Variants in PLXNA1 observed in about 807,000 individuals in gnomAD.
PLXNA1 encodes the protein plexin-A1.
A neutral mutation model predicts 191.7 loss-of-function variants in PLXNA1; 77 were observed. The ratio of observed to expected loss-of-function variants is 0.40; its 90% CI spans 0.33 to 0.49. PLXNA1 has a LOEUF of 0.49. Ranked by LOEUF, PLXNA1 falls within the 20% of genes least tolerant of loss-of-function variation. The pLI, the probability that PLXNA1 is intolerant of heterozygous loss-of-function variation, is 0.63. For missense variants in PLXNA1, 2,110 were observed against 2,660.2 expected (o/e 0.79, Z 4.55); for synonymous variants, 1,137 against 1,156.4 (o/e 0.98, Z 0.34).
chr3:127,033,838 C>G, intron 31 of PLXNA1, 84 bp from the exon 32 acceptor site: 32 of 1,195,478 alleles, frequency 2.7e-5, no homozygotes, highest in Non-Finnish European at 3.7e-5. Context: ...CCTCTGGCAC[C>G]TACTCTGGAG....
chr3:126,989,570 A>G lies in PLXNA1; in HGVS notation c.977A>G (p.His326Arg). The G allele has an allele frequency of 1.2e-6, 2 of 1,613,156 alleles. No individual in the cohort carries two copies. The highest frequency in any genetic ancestry group is 1.7e-6 in the Non-Finnish European group (2 of 1,180,006). Residue 326 changes from histidine (H) to arginine (R), a missense_variant, in exon 2 of 32, where the codon CAC (histidine) becomes CGC (arginine). Physicochemically the swap from His to Arg is conservative, Grantham distance 29. This residue lies in a region of PLXNA1 where 903 missense variants were observed against 1,015.7 expected (regional missense o/e 0.89). Transcript: ENST00000393409. Reference sequence around the variant, plus strand: ...AGCCGGCCCGGCCGTGCCCTGGCCCACCAGCTGGGCCTGGCTGAGGACGAG... The same window carrying G: ...AGCCGGCCCGGCCGTGCCCTGGCCCGCCAGCTGGGCCTGGCTGAGGACGAG... ...YLSRPGRALA[H>R]QLGLAEDEDV...
Position 126,989,584 on chromosome 3 carries a change from G to T in PLXNA1, c.991G>T (p.Ala331Ser), listed in dbSNP as rs1321391936. 6 of 1,613,140 alleles carry T rather than the reference G, an allele frequency of 3.7e-6. No individual in the cohort carries two copies. The highest frequency in any genetic ancestry group is 5.1e-6 in the Non-Finnish European group (6 of 1,180,032). The stretch of plus-strand genomic sequence containing the variant: ...TGCCCTGGCCCACCAGCTGGGCCTG[G>T]CTGAGGACGAGGACGTGCTGTTCAC... ...GRALAHQLGLAEDEDVLFTVF... is the reference protein window; with the variant it reads ...GRALAHQLGLSEDEDVLFTVF... Residue 331 changes from alanine to serine, a missense_variant, in exon 2 of 32, where the codon GCT becomes TCT. Physicochemically the swap from Ala to Ser is moderately conservative, Grantham distance 99 (BLOSUM62 1). This residue lies in a region of PLXNA1 where 903 missense variants were observed against 1,015.7 expected (regional missense o/e 0.89). Coordinates refer to ENST00000393409, the MANE Select transcript of PLXNA1 (RefSeq NM_032242.4).
intron 1 of PLXNA1, among the ~76,000 whole-genome samples, chr3:126,986,704 G>A (rs947904135): frequency 6.6e-6 from 1 of 152,148 alleles, no homozygotes; most frequent in South Asian, 2.1e-4. Flanking sequence ...AAGTAATAGA[G>A]ACCCTTCACG....
In PLXNA1 at chr3:127,016,692, C is replaced by A; in HGVS notation, c.3182+8C>A. ...CGAGTGGAGCATCAACAGGTGGGGC[C>A]CAGCAACACCCATTCCCTATCCCCA... is the stretch of plus-strand genomic sequence containing the variant. On this transcript the variant is annotated splice_region_variant and intron_variant, in intron 16 of 31. Coordinates refer to ENST00000393409, the MANE Select transcript of PLXNA1 (RefSeq NM_032242.4). 1 of 1,613,724 alleles carries A rather than the reference C, an allele frequency of 6.2e-7. No individual in the cohort carries two copies. Among genetic ancestry groups the A allele is most frequent in the Non-Finnish European group, 8.5e-7 (1 of 1,179,810 alleles).
Position 127,032,446 on chromosome 3 carries a change from A to G in PLXNA1, c.5291A>G (p.His1764Arg). 1 of 1,613,942 alleles carries G rather than the reference A, an allele frequency of 6.2e-7. No homozygotes were observed. The highest frequency in any genetic ancestry group is 8.5e-7 in the Non-Finnish European group (1 of 1,179,988). The part of the protein sequence containing the change: ...IKNPQFVFDI[H>R]KNSITDACLS... ...AACCCACAGTTTGTGTTCGACATTC[A>G]CAAGAACAGCATCACGGACGCCTGC... Residue 1764 changes from histidine (H) to arginine (R), a missense_variant, in exon 30 of 32, where the codon CAC becomes CGC. Around this residue, in one of 4 missense-constraint regions of PLXNA1, gnomAD observed 559 missense variants for 911.5 expected, o/e 0.61. Coordinates refer to ENST00000393409, the MANE Select transcript of PLXNA1 (RefSeq NM_032242.4).
chr3:126,983,806 C>T (rs972601959), intron 1 of PLXNA1, among the ~76,000 whole-genome samples: 1 of 152,030 alleles, frequency 6.6e-6, no homozygotes, highest in African/African-American at 2.4e-5. Context: ...GTGGCCAGGC[C>T]CGGATAGGGA....
intron 3 of PLXNA1, among the ~76,000 whole-genome samples, chr3:127,001,993 A>T (rs1023760238): frequency 2.6e-5 from 4 of 152,226 alleles, no homozygotes; most frequent in Non-Finnish European, 5.9e-5. Context: ...GCCAGTGGTC[A>T]TCTTAAACAA....
At chr3:127,019,671 C>T (rs1459152011) in intron 20 of PLXNA1, among the ~76,000 whole-genome samples, 2 of 152,236 alleles carry the variant, frequency 1.3e-5, no homozygotes, top group Non-Finnish European at 2.9e-5. Context: ...CTCGGGCTGC[C>T]ACAGGACTGA....
rs2079070332 is a variant in PLXNA1 at position 127,006,693 on chromosome 3, G to A, written c.1997+515G>A. Among the ~76,000 whole-genome samples, 4 of 152,312 alleles carry A rather than the reference G, an allele frequency of 2.6e-5. 1 individual carries two copies. The South Asian group carries it at 8.3e-4, about 32-fold the overall frequency. On this transcript the variant is annotated intron_variant, in intron 8 of 31. Transcript: ENST00000393409. ...TTGTGGCAGGCTACTGTTGGACGAT[G>A]CAGCATCCAGGTCCCCTCTGGTTGG...
At chr3:127,022,374 C>T in intron 22 of PLXNA1, 33 bp downstream of exon 22, 4 of 1,596,090 alleles carry the variant, frequency 2.5e-6, no homozygotes, top group Non-Finnish European at 3.4e-6. Flanking sequence ...TTGGGGGAGG[C>T]AGGCCCATGC....
chr3:127,033,097 C>CT (rs1198345457), intron 31 of PLXNA1, among the ~76,000 whole-genome samples: 1 of 152,196 alleles, frequency 6.6e-6, no homozygotes, highest in Non-Finnish European at 1.5e-5. Flanking sequence ...CAGCTTCTTC[C>CT]TGAGGCAGAG....
At chr3:127,022,464 C>T in intron 22 of PLXNA1, 123 bp downstream of exon 22, 2 of 1,269,406 alleles carry the variant, frequency 1.6e-6, no homozygotes, top group East Asian at 2.4e-5. Flanking sequence ...TGGGAGGACT[C>T]ACCTGGCCTC....
At chr3:127,019,958 C>G (rs1279460786) in intron 20 of PLXNA1, among the ~76,000 whole-genome samples, 1 of 152,236 alleles carries the variant, frequency 6.6e-6, no homozygotes, top group Non-Finnish European at 1.5e-5. Flanking sequence ...CAGCCTGCCC[C>G]TGGTGCTGAT....
intron 1 of PLXNA1, among the ~76,000 whole-genome samples, chr3:126,983,701 G>T (rs2078943128): frequency 6.6e-6 from 1 of 151,526 alleles, no homozygotes; most frequent in South Asian, 2.1e-4. Context: ...TGGGGAGAAA[G>T]TTTGCGGCGG....
At chr3:127,016,473 G>T (rs1421133411) in intron 15 of PLXNA1, 44 bp from the exon 16 acceptor site, 3 of 1,598,064 alleles carry the variant, frequency 1.9e-6, no homozygotes, top group South Asian at 1.1e-5. Context: ...ACCTGCCTGG[G>T]TTCCACCCGT....
At chr3:126,991,687 G>A in intron 3 of PLXNA1, 121 bp downstream of exon 3, 3 of 1,084,474 alleles carry the variant, frequency 2.8e-6, no homozygotes, top group Non-Finnish European at 3.8e-6. Flanking sequence ...TGGCGTACAG[G>A]GGGCAGGGGG....
chr3:127,006,306 C>A, intron 8 of PLXNA1, 128 bp downstream of exon 8: 1 of 736,724 alleles, frequency 1.4e-6, no homozygotes, highest in Non-Finnish European at 2.4e-6. Flanking sequence ...ATGGTGATTC[C>A]ATGATTGGGG....
In PLXNA1 at chr3:127,028,229, G is replaced by A; in HGVS notation, c.4558G>A (p.Val1520Met). 1.2e-6 allele frequency: 2 copies of A among 1,613,098 alleles called. No homozygotes were observed. The highest frequency in any genetic ancestry group is 8.5e-7 in the Non-Finnish European group (1 of 1,179,990). The change falls in exon 25 of 32, where the codon GTG (valine) becomes ATG (methionine). Residue 1520 changes from valine to methionine, a missense_variant. Around this residue, in one of 4 missense-constraint regions of PLXNA1, gnomAD observed 559 missense variants for 911.5 expected, o/e 0.61. Transcript: ENST00000393409. ...PENENAPEVP[V>M]KGLDCDTVTQ... ...GAATGAGAATGCACCTGAGGTGCCG[G>A]TGAAGGGGCTGGACTGTGACACGGT...
At chr3:127,017,101 A>C (rs534203760) in intron 17 of PLXNA1, 64 bp downstream of exon 17, 1 of 1,421,414 alleles carries the variant, frequency 7.0e-7, no homozygotes, top group Non-Finnish European at 9.8e-7. Flanking sequence ...GGCTCCTGCT[A>C]GGAATACCCG....
Sources: gnomAD v4.1 joint callset for allele counts (sites outside exome capture counted in the v4.1 genomes callset) on GRCh38, gnomAD v4.1.1 for gene constraint, gnomAD v4.1.1 regional missense constraint, MANE v1.5 for transcripts, NCBI Gene and HGNC (gene_info 2026-07-23, HGNC 2026-07-21) for gene names.